The following SYT16 variants were observed in gnomAD, a reference collection of about 807,000 sequenced individuals.
SYT16 encodes synaptotagmin 16.
In SYT16, 42 loss-of-function variants were observed where a neutral mutation model predicts 61.4. The observed-to-expected ratio is 0.68, with a 90% CI of 0.53 to 0.89. SYT16 has a LOEUF of 0.89. SYT16 is among the 40% of genes least tolerant of loss of function. SYT16 has a pLI of 0.00. For missense variants in SYT16, 804 were observed against 807.3 expected, an observed-to-expected ratio of 1.00 and a Z score of 0.05; for synonymous variants, 314 against 302.3, an observed-to-expected ratio of 1.04 and a Z score of -0.40.
intron 1 of SYT16, among the ~76,000 whole-genome samples, chr14:61,855,916 A>T (rs1424490646): frequency 1.3e-5 from 2 of 152,208 alleles, no homozygotes; most frequent in Non-Finnish European, 2.9e-5. Flanking sequence ...TGAAAAAAAG[A>T]CTCTTACAAG....
chr14:61,815,712 C>T (rs562347616), intron 1 of SYT16, among the ~76,000 whole-genome samples: 4 of 152,096 alleles, frequency 2.6e-5, no homozygotes, highest in Admixed American at 6.5e-5. Flanking sequence ...ATCATGAAAT[C>T]GTGAGGAACT....
At position 62,104,310 on chromosome 14, in the gene SYT16, G is replaced by A. The variant is rs2141030257; in HGVS notation, c.*3603G>A. ...ATATTCTTTACTGATAAAGAAACAG[G>A]ACTAGAACACGCATGTGGTATCTCC... is the stretch of plus-strand genomic sequence containing the variant. On this transcript the variant is annotated 3_prime_UTR_variant, in exon 8 of 8. Transcript: ENST00000683842. 1 of 152,306 alleles carries A rather than the reference G, an allele frequency of 6.6e-6. No individual in the cohort carries two copies. Among genetic ancestry groups the A allele is most frequent in the African/African-American group, 2.4e-5 (1 of 41,586 alleles). 9.4% of individuals were successfully genotyped at this position (152,306 alleles called of 1,614,324 possible).
At chr14:61,936,635 C>T (rs561328582) in intron 1 of SYT16, among the ~76,000 whole-genome samples, 1 of 152,280 alleles carries the variant, frequency 6.6e-6, no homozygotes, top group South Asian at 2.1e-4. Context: ...CACTTTTTCT[C>T]TCTTCATTTT....
chr14:61,879,564 G>A (rs890587180), intron 1 of SYT16, among the ~76,000 whole-genome samples: 1 of 152,002 alleles, frequency 6.6e-6, no homozygotes, highest in Non-Finnish European at 1.5e-5. Flanking sequence ...CCAGTAAACG[G>A]CACCATCTTC....
chr14:61,866,740 T>C (rs1275851111), intron 1 of SYT16, among the ~76,000 whole-genome samples: 1 of 152,130 alleles, frequency 6.6e-6, no homozygotes, highest in Non-Finnish European at 1.5e-5. Context: ...CAGCATGCTT[T>C]AAAGAGTAAA....
chr14:61,981,495 A>C (rs539405776), intron 2 of SYT16, among the ~76,000 whole-genome samples: 2 of 152,324 alleles, frequency 1.3e-5, no homozygotes, highest in South Asian at 4.1e-4. Context: ...TCATATAATG[A>C]ACCCCATATA....
chr14:62,013,318 A>G (rs367696609), intron 3 of SYT16, among the ~76,000 whole-genome samples: 9 of 152,190 alleles, frequency 5.9e-5, no homozygotes, highest in African/African-American at 2.2e-4. Flanking sequence ...GTTGTCCCAA[A>G]GGGGGTTGAA....
At chr14:61,860,446 A>G (rs59629230) in intron 1 of SYT16, among the ~76,000 whole-genome samples, 28,807 of 152,122 alleles carry the variant, frequency 0.19, 3,497 homozygotes, top group African/African-American at 0.35. Context: ...GGTGCTGGCA[A>G]TTTGAGATTT....
intron 2 of SYT16, among the ~76,000 whole-genome samples, chr14:61,970,803 A>T (rs530218647): frequency 3.3e-4 from 50 of 152,188 alleles, no homozygotes; most frequent in African/African-American, 1.1e-3. Flanking sequence ...CTCTTAAAGG[A>T]CATATTCTAT....
chr14:61,840,263 G>T (rs929859466), intron 1 of SYT16, among the ~76,000 whole-genome samples: 1 of 152,192 alleles, frequency 6.6e-6, no homozygotes, highest in African/African-American at 2.4e-5. Flanking sequence ...TCTGGATAGG[G>T]AGGCAAGGTG....
At chr14:62,079,223 T>A (rs748861263) in intron 5 of SYT16, 3 of 356,422 alleles carry the variant, frequency 8.4e-6, no homozygotes, top group Non-Finnish European at 1.3e-5. Context: ...TAGCAACCAC[T>A]TTTATCACTT....
intron 1 of SYT16, among the ~76,000 whole-genome samples, chr14:61,883,985 CG>C (rs5809125): frequency 0.021 from 3,267 of 152,252 alleles, 55 homozygotes; most frequent in African/African-American, 0.045. Flanking sequence ...TCCCATGATC[CG>C]ATTACCTCCA....
chr14:62,030,086 C>T (rs1470534633), intron 3 of SYT16, among the ~76,000 whole-genome samples: 1 of 152,162 alleles, frequency 6.6e-6, no homozygotes, highest in East Asian at 1.9e-4. Flanking sequence ...CATGAAGAGG[C>T]ATCAGGAGAT....
chr14:62,072,566 C>T (rs913781380), intron 4 of SYT16, among the ~76,000 whole-genome samples: 1 of 152,176 alleles, frequency 6.6e-6, no homozygotes, highest in Non-Finnish European at 1.5e-5. Flanking sequence ...CTCCCGGGAA[C>T]TTCAGTTCTC....
At chr14:62,003,678 A>G (rs1566755292) in intron 3 of SYT16, among the ~76,000 whole-genome samples, 1 of 152,132 alleles carries the variant, frequency 6.6e-6, no homozygotes, top group Non-Finnish European at 1.5e-5. Context: ...ACACTGTGAA[A>G]TTGAATTGGA....
rs2057475672 is a variant in SYT16 at position 62,104,306 on chromosome 14, A to G, written c.*3599A>G. 1 of 152,246 alleles carries G rather than the reference A, an allele frequency of 6.6e-6. No individual in the cohort carries two copies. Among genetic ancestry groups the G allele is most frequent in the Non-Finnish European group, 1.5e-5 (1 of 68,032 alleles). The allele number at this position is 152,246 out of a possible 1,614,324, so 9.4% of individuals were successfully genotyped here. A position where few individuals can be genotyped will look rare whatever the true frequency, so the allele number is the denominator to read the frequency against. On this transcript the variant is annotated 3_prime_UTR_variant, in exon 8 of 8. Coordinates refer to ENST00000683842, the MANE Select transcript of SYT16 (RefSeq NM_001367656.1). ...AGGCATATTCTTTACTGATAAAGAA[A>G]CAGGACTAGAACACGCATGTGGTAT...
intron 3 of SYT16, among the ~76,000 whole-genome samples, chr14:62,036,795 C>T (rs2054526913): frequency 6.6e-6 from 1 of 152,124 alleles, no homozygotes; most frequent in Admixed American, 6.5e-5. Context: ...CAGGTCCCTC[C>T]CATGACACAT....
intron 7 of SYT16, among the ~76,000 whole-genome samples, chr14:62,089,490 A>AT (rs1425591334): frequency 7.8e-6 from 1 of 127,728 alleles, no homozygotes; most frequent in Non-Finnish European, 1.6e-5. Flanking sequence ...GAAAATGCCC[A>AT]TGTTATAAAG....
rs966158915 is a variant in SYT16, at chr14:62,109,073, G to A, written c.*8366G>A. On this transcript the variant is annotated 3_prime_UTR_variant, in exon 8 of 8. Coordinates refer to ENST00000683842, the MANE Select transcript of SYT16 (RefSeq NM_001367656.1). ...TAGTTCATATTAAGGTTCACTCTTG[G>A]TGTTGTGTATTTTATGGGTTTTGAC... is the stretch of plus-strand genomic sequence containing the variant. The A allele has an allele frequency of 6.6e-6, 1 of 152,092 alleles. No homozygotes were observed. The highest frequency in any genetic ancestry group is 1.9e-4 in the East Asian group (1 of 5,188). 9.4% of individuals were successfully genotyped at this position (152,092 alleles called of 1,614,324 possible). A position where few individuals can be genotyped will look rare whatever the true frequency, so the allele number is the denominator to read the frequency against.
Sources: gnomAD v4.1 joint callset for allele counts (sites outside exome capture counted in the v4.1 genomes callset) on GRCh38, gnomAD v4.1.1 for gene constraint, MANE v1.5 for transcripts, NCBI Gene and HGNC (gene_info 2026-07-23, HGNC 2026-07-21) for gene names.